CDH13: variants seen among roughly 807,000 people sequenced by gnomAD.
The protein encoded by CDH13 is cadherin 13, also known as cadherin-13.
In CDH13, 24 loss-of-function variants were observed where a neutral mutation model predicts 63.8. The observed-to-expected ratio is 0.38, with a 90% CI of 0.27 to 0.53. CDH13 has a LOEUF of 0.53. Among genes scored for constraint, CDH13 ranks in the 20% least tolerant of loss-of-function variants. CDH13 has a pLI of 0.85. For synonymous variants in CDH13, 503 were observed against 355.3 expected, an observed-to-expected ratio of 1.42 and a Z score of -4.67; for missense variants, 1,049 against 903.1, an observed-to-expected ratio of 1.16 and a Z score of -2.07.
intron 6 of CDH13, among the ~76,000 whole-genome samples, chr16:83,389,506 T>C (rs1321842220): frequency 2.6e-5 from 4 of 152,250 alleles, no homozygotes; most frequent in African/African-American, 9.6e-5. Context: ...CCATCCTTTA[T>C]GTTTTTTATA....
intron 7 of CDH13, among the ~76,000 whole-genome samples, chr16:83,495,117 C>A (rs556167603): frequency 2.0e-5 from 3 of 152,046 alleles, no homozygotes; most frequent in Non-Finnish European, 4.4e-5. Context: ...TCATTCTGAA[C>A]CAAATATGAG....
At chr16:82,761,441 G>T (rs1055140012) in intron 1 of CDH13, among the ~76,000 whole-genome samples, 1 of 152,180 alleles carries the variant, frequency 6.6e-6, no homozygotes, top group African/African-American at 2.4e-5. Flanking sequence ...GGGGCAGCCA[G>T]CCAACTTCTG....
At chr16:83,334,733 T>A (rs1368031746) in intron 5 of CDH13, among the ~76,000 whole-genome samples, 1 of 151,970 alleles carries the variant, frequency 6.6e-6, no homozygotes, top group Non-Finnish European at 1.5e-5. Flanking sequence ...CAACCTTAAT[T>A]TGGGAGGTGG....
intron 1 of CDH13, among the ~76,000 whole-genome samples, chr16:82,659,789 T>C (rs951525826): frequency 1.3e-5 from 2 of 152,058 alleles, no homozygotes; most frequent in Non-Finnish European, 2.9e-5. Flanking sequence ...GTGGCCACTT[T>C]GGGCAGGAAG....
At chr16:83,558,948 G>T (rs1378589385) in intron 7 of CDH13, among the ~76,000 whole-genome samples, 1 of 83,916 alleles carries the variant, frequency 1.2e-5, no homozygotes, top group Non-Finnish European at 2.6e-5. Context: ...AGAGAGGTCA[G>T]TGTCCAACAC....
At chr16:83,217,655 C>T (rs148294310) in intron 5 of CDH13, among the ~76,000 whole-genome samples, 158 bp downstream of exon 5, 2 of 152,242 alleles carry the variant, frequency 1.3e-5, no homozygotes, top group African/African-American at 4.8e-5. Context: ...GAATTGAACC[C>T]TGACAGGGCA....
chr16:82,908,879 C>G (rs1254248457), intron 2 of CDH13, among the ~76,000 whole-genome samples: 1 of 152,122 alleles, frequency 6.6e-6, no homozygotes, highest in Non-Finnish European at 1.5e-5. Context: ...CATGTTTTTA[C>G]CAAATGGCAA....
At chr16:82,669,780 G>C (rs893543870) in intron 1 of CDH13, among the ~76,000 whole-genome samples, 1 of 152,152 alleles carries the variant, frequency 6.6e-6, no homozygotes, top group African/African-American at 2.4e-5. Context: ...ACCCTCTCCA[G>C]TGAGATATAC....
chr16:82,729,781 A>G (rs1434651752), intron 1 of CDH13, among the ~76,000 whole-genome samples: 6 of 152,142 alleles, frequency 3.9e-5, no homozygotes, highest in Admixed American at 6.5e-5. Flanking sequence ...ATCTTCTTCC[A>G]GTATAAAGAT....
intron 8 of CDH13, among the ~76,000 whole-genome samples, chr16:83,633,653 G>A (rs1910980289): frequency 6.6e-6 from 1 of 152,142 alleles, no homozygotes; most frequent in Non-Finnish European, 1.5e-5. Flanking sequence ...TTGCTCATTG[G>A]TGGAGGCTTG....
intron 10 of CDH13, among the ~76,000 whole-genome samples, chr16:83,733,112 A>C (rs142587295): frequency 6.6e-6 from 1 of 152,200 alleles, no homozygotes; most frequent in African/African-American, 2.4e-5. Flanking sequence ...CTAACAGAAT[A>C]CTGGGAAGAT....
At chr16:82,799,997 G>A (rs1000837211) in intron 1 of CDH13, among the ~76,000 whole-genome samples, 2 of 152,170 alleles carry the variant, frequency 1.3e-5, no homozygotes, top group Admixed American at 6.5e-5. Context: ...TTTCTAAGCA[G>A]ATGTTTACTA....
At chr16:83,186,136 TTTTATTTTA>T (rs2038515420) in intron 4 of CDH13, among the ~76,000 whole-genome samples, 1 of 132,442 alleles carries the variant, frequency 7.6e-6, no homozygotes, top group African/African-American at 2.9e-5. Flanking sequence ...TTTTATTTTA[TTTTATTTTA>T]TTTTATTTGA....
intron 2 of CDH13, among the ~76,000 whole-genome samples, chr16:82,877,344 G>A (rs1480711886): frequency 2.0e-5 from 3 of 152,226 alleles, no homozygotes; most frequent in African/African-American, 7.2e-5. Context: ...TTGTCCAAAT[G>A]AAGCAGTGAA....
At chr16:83,709,239 C>G (rs935798221) in intron 10 of CDH13, among the ~76,000 whole-genome samples, 1 of 152,266 alleles carries the variant, frequency 6.6e-6, no homozygotes, top group East Asian at 1.9e-4. Flanking sequence ...GCCCTGCCAA[C>G]ATCTTAATTT....
intron 4 of CDH13, among the ~76,000 whole-genome samples, chr16:83,149,756 G>A (rs546849005): frequency 1.3e-3 from 202 of 152,286 alleles, no homozygotes; most frequent in Middle Eastern, 3.4e-3. Flanking sequence ...TGCTGGGGCT[G>A]GCTCACGGCA....
At chr16:82,693,464 G>T (rs974542626) in intron 1 of CDH13, among the ~76,000 whole-genome samples, 1 of 152,134 alleles carries the variant, frequency 6.6e-6, no homozygotes, top group Non-Finnish European at 1.5e-5. Context: ...CCCAGCTTGC[G>T]ACCTAAACAT....
chr16:83,033,675 A>G (rs1301115457), intron 3 of CDH13, among the ~76,000 whole-genome samples: 2 of 152,188 alleles, frequency 1.3e-5, no homozygotes, highest in Non-Finnish European at 2.9e-5. Context: ...CATACACTTT[A>G]TAAGTGTCAC....
chr16:83,179,706 G>T (rs916279632), intron 4 of CDH13, among the ~76,000 whole-genome samples: 31 of 151,888 alleles, frequency 2.0e-4, no homozygotes, highest in African/African-American at 6.5e-4. Context: ...TAACCTGCCT[G>T]AAGTCACAGA....
Sources: gnomAD v4.1 joint callset for allele counts (sites outside exome capture counted in the v4.1 genomes callset) on GRCh38, gnomAD v4.1.1 for gene constraint, MANE v1.5 for transcripts, NCBI Gene and HGNC (gene_info 2026-07-23, HGNC 2026-07-21) for gene names.